The following LRRC7 variants were observed in gnomAD, a reference collection of about 807,000 sequenced individuals.
The protein encoded by LRRC7 is leucine-rich repeat-containing protein 7.
In LRRC7, 23 loss-of-function variants were observed where a neutral mutation model predicts 175.7. The observed-to-expected ratio is 0.13, with a 90% CI of 0.09 to 0.19. LRRC7 has a LOEUF of 0.19. Ranked by LOEUF, LRRC7 falls within the 10% of genes least tolerant of loss-of-function variation. The pLI, the probability that LRRC7 is intolerant of heterozygous loss-of-function variation, is 1.00. For synonymous variants in LRRC7, 685 were observed against 680.9 expected, an observed-to-expected ratio of 1.01 and a Z score of -0.09; for missense variants, 1,354 against 1,904.7, an observed-to-expected ratio of 0.71 and a Z score of 5.38.
intron 2 of LRRC7, among the ~76,000 whole-genome samples, chr1:69,755,382 A>T (rs1389095930): frequency 6.7e-6 from 1 of 149,308 alleles, no homozygotes; most frequent in Non-Finnish European, 1.5e-5. Flanking sequence ...TGCAAAATAT[A>T]TATATTTATA....
chr1:69,787,759 A>G (rs1408428357), intron 3 of LRRC7, among the ~76,000 whole-genome samples: 1 of 152,034 alleles, frequency 6.6e-6, no homozygotes, highest in African/African-American at 2.4e-5. Flanking sequence ...TCAGCTCCTC[A>G]TTATTTATGC....
intron 4 of LRRC7, among the ~76,000 whole-genome samples, chr1:69,812,382 G>A (rs1040153700): frequency 6.6e-6 from 1 of 151,970 alleles, no homozygotes; most frequent in Non-Finnish European, 1.5e-5. Context: ...TTAGTTAAAT[G>A]GGAATAATGA....
intron 1 of LRRC7, among the ~76,000 whole-genome samples, chr1:69,569,316 C>G (rs1357196438): frequency 1.3e-5 from 2 of 152,000 alleles, no homozygotes; most frequent in African/African-American, 4.8e-5. Flanking sequence ...TGCCTCCCTC[C>G]CTGTCAGCTA....
chr1:70,143,074 T>C lies in LRRC7; in HGVS notation c.*21187T>C, dbSNP rs1667138791. 1 of 152,146 alleles carries C rather than the reference T, an allele frequency of 6.6e-6. No homozygotes were observed. The highest frequency in any genetic ancestry group is 1.5e-5 in the Non-Finnish European group (1 of 68,002). 9.4% of individuals were successfully genotyped at this position (152,146 alleles called of 1,614,324 possible). The stretch of plus-strand genomic sequence containing the variant: ...CCAAACACACACACATAAATTTTCT[T>C]TTTCTCATTTCAGCTCATATAATTC... On this transcript the variant is annotated 3_prime_UTR_variant, in exon 27 of 27. Transcript: ENST00000651989.
rs1553210445 is a variant in LRRC7, at chr1:70,142,363, A to ATGT, written c.*20478_*20480dup. The ATGT allele has an allele frequency of 6.6e-6, 1 of 152,122 alleles. No individual in the cohort carries two copies. The highest frequency in any genetic ancestry group is 6.6e-5 in the Admixed American group (1 of 15,258). 9.4% of individuals were successfully genotyped at this position (152,122 alleles called of 1,614,324 possible). ...GAATGCTTAATACTTCGGCTTTATA[A>ATGT]TGTTTGGGCATTTCTCTTTAACATC... On this transcript the variant is annotated 3_prime_UTR_variant, in exon 27 of 27. Transcript: ENST00000651989.
At chr1:69,786,325 T>TC (rs937402461) in intron 3 of LRRC7, among the ~76,000 whole-genome samples, 2 of 151,918 alleles carry the variant, frequency 1.3e-5, no homozygotes, top group Admixed American at 6.6e-5. Flanking sequence ...GACTTTTTTT[T>TC]CTCTCTCTCT....
intron 15 of LRRC7, 92 bp downstream of exon 15, chr1:70,018,910 A>G: frequency 1.2e-6 from 1 of 865,270 alleles, no homozygotes; most frequent in Middle Eastern, 2.2e-4. Context: ...GAGTACTGGC[A>G]CATGGACAAG....
chr1:69,820,943 T>C (rs564421266), intron 4 of LRRC7, among the ~76,000 whole-genome samples: 4 of 152,320 alleles, frequency 2.6e-5, no homozygotes, highest in African/African-American at 9.6e-5. Context: ...CCACACTGTC[T>C]TCCACAATGG....
chr1:69,841,288 AGT>A (rs1297670981), intron 7 of LRRC7, among the ~76,000 whole-genome samples: 1 of 152,074 alleles, frequency 6.6e-6, no homozygotes, highest in Non-Finnish European at 1.5e-5. Context: ...TGAGAGAGAG[AGT>A]GTGCATCTAA....
intron 2 of LRRC7, among the ~76,000 whole-genome samples, chr1:69,738,313 T>C (rs1254456091): frequency 6.6e-6 from 1 of 152,084 alleles, no homozygotes; most frequent in African/African-American, 2.4e-5. Context: ...GACCCTGTCA[T>C]CCCATAAGCC....
chr1:69,878,472 A>G (rs532354982), intron 7 of LRRC7, among the ~76,000 whole-genome samples: 110 of 152,272 alleles, frequency 7.2e-4, no homozygotes, highest in Non-Finnish European at 1.4e-3. Context: ...TGATTTAAGA[A>G]TGCTTGTTCA....
intron 7 of LRRC7, among the ~76,000 whole-genome samples, chr1:69,902,585 A>C (rs1646166267): frequency 6.6e-6 from 1 of 152,168 alleles, no homozygotes; most frequent in Non-Finnish European, 1.5e-5. Flanking sequence ...AAACAAAAAA[A>C]AAAGCTTCAA....
intron 25 of LRRC7, 86 bp from the exon 26 acceptor site, chr1:70,107,657 TCTGTTTTCA>T: frequency 1.2e-6 from 1 of 861,672 alleles, no homozygotes; most frequent in Non-Finnish European, 1.9e-6. Context: ...TGTTTCTGGA[TCTGTTTTCA>T]CTGTTTTCTA....
chr1:69,881,974 C>G (rs1162466576), intron 7 of LRRC7, among the ~76,000 whole-genome samples: 1 of 147,006 alleles, frequency 6.8e-6, no homozygotes, highest in Admixed American at 6.8e-5. Flanking sequence ...AAGTTAATAT[C>G]CAAAATATAT....
chr1:70,040,493 C>G (rs904053739), intron 21 of LRRC7, among the ~76,000 whole-genome samples: 2 of 152,006 alleles, frequency 1.3e-5, no homozygotes, highest in Non-Finnish European at 2.9e-5. Context: ...TATATTGCAG[C>G]AAAAAAGAAA....
chr1:69,998,011 G>A (rs911739663), intron 11 of LRRC7, among the ~76,000 whole-genome samples: 1 of 152,072 alleles, frequency 6.6e-6, no homozygotes, highest in African/African-American at 2.4e-5. Context: ...GTAGAATTCG[G>A]CTGTGAATCC....
At chr1:69,843,829 G>C (rs371963934) in intron 7 of LRRC7, among the ~76,000 whole-genome samples, 6 of 152,102 alleles carry the variant, frequency 3.9e-5, no homozygotes, top group African/African-American at 1.4e-4. Context: ...AAAAGACTAA[G>C]GGACTATTAC....
intron 13 of LRRC7, among the ~76,000 whole-genome samples, chr1:70,015,993 A>G (rs1656929273): frequency 1.3e-5 from 2 of 152,214 alleles, no homozygotes. Flanking sequence ...GGAAAATACA[A>G]GGTGCTTTGA....
Position 69,904,723 on chromosome 1 carries a change from A to C in LRRC7, c.648-26784A>C, listed in dbSNP as rs1026729467. On this transcript the variant is annotated intron_variant, in intron 7 of 26. Coordinates refer to ENST00000651989, the MANE Select transcript of LRRC7 (RefSeq NM_001370785.2). ...GGTACATGTGCAGGTTTGTTATATA[A>C]GTAAATTGCATGTCACAGGGGTTTG... 5.3e-5 allele frequency among the ~76,000 whole-genome samples: 8 copies of C among 152,128 alleles called. No individual in the cohort carries two copies. The South Asian group carries it at 1.7e-3, about 32-fold the overall frequency.
Sources: allele counts gnomAD v4.1 joint callset (sites outside exome capture counted in the v4.1 genomes callset), GRCh38; gene constraint gnomAD v4.1.1; transcripts MANE v1.5; gene names NCBI Gene and HGNC (gene_info 2026-07-23, HGNC 2026-07-21).